DCT: variants seen among roughly 807,000 people sequenced by gnomAD.
DCT encodes the protein dopachrome tautomerase, also known as L-dopachrome tautomerase.
DCT carries 47 observed loss-of-function variants against 53.0 expected under a neutral mutation model. The observed-to-expected ratio is 0.89, with a 90% CI of 0.70 to 1.13. The LOEUF (loss-of-function observed/expected upper bound fraction) is 1.13. Ranked by LOEUF, DCT falls within the 50% of genes most tolerant of loss-of-function variation. The pLI, the probability that DCT is intolerant of heterozygous loss-of-function variation, is 0.00. For missense variants in DCT, 669 were observed against 637.4 expected (o/e 1.05, Z -0.53); for synonymous variants, 244 against 237.0 (o/e 1.03, Z -0.27).
chr13:94,524,823 T>C, the DCT span, among the ~76,000 whole-genome samples: 61,185 of 151,876 alleles, frequency 0.4, 13,051 homozygotes, highest in East Asian at 0.62. Context: ...TTGTTACGAA[T>C]GTAACTAGTT....
At chr13:94,500,704 C>T in the DCT span, among the ~76,000 whole-genome samples, 1 of 152,142 alleles carries the variant, frequency 6.6e-6, no homozygotes, top group Non-Finnish European at 1.5e-5. Flanking sequence ...TGAATAATAT[C>T]CCATTGTGTA....
At chr13:94,539,523 A>G in the DCT span, among the ~76,000 whole-genome samples, 1 of 152,230 alleles carries the variant, frequency 6.6e-6, no homozygotes, top group African/African-American at 2.4e-5. Context: ...AAACCTGCGC[A>G]ACAAATCAGC....
chr13:94,506,493 C>A, the DCT span, among the ~76,000 whole-genome samples: 1 of 151,872 alleles, frequency 6.6e-6, no homozygotes, highest in Non-Finnish European at 1.5e-5. Flanking sequence ...TAGATTATAA[C>A]CCATAGAATA....
chr13:94,487,796 T>C, the DCT span, among the ~76,000 whole-genome samples: 1 of 152,130 alleles, frequency 6.6e-6, no homozygotes, highest in Non-Finnish European at 1.5e-5. Flanking sequence ...AAGAGATTAT[T>C]TTTTTCCCTG....
At chr13:94,457,832 AT>A (rs1435735392) in intron 6 of DCT, among the ~76,000 whole-genome samples, 1 of 152,138 alleles carries the variant, frequency 6.6e-6, no homozygotes, top group Non-Finnish European at 1.5e-5. Context: ...ATGAATGTGT[AT>A]GTTGTCTAAA....
intron 2 of DCT, 92 bp downstream of exon 2, chr13:94,468,654 A>T: frequency 8.8e-7 from 1 of 1,142,592 alleles, no homozygotes; most frequent in Non-Finnish European, 1.3e-6. Context: ...TTGCTCTCTT[A>T]ATTAACTTGC....
At chr13:94,461,617 TC>T (rs1389256999) in intron 5 of DCT, among the ~76,000 whole-genome samples, 3 of 152,216 alleles carry the variant, frequency 2.0e-5, no homozygotes, top group African/African-American at 7.2e-5. Context: ...ATCTCAGACC[TC>T]ACTATTAAGT....
the DCT span, among the ~76,000 whole-genome samples, chr13:94,499,179 T>C: frequency 6.6e-6 from 1 of 152,000 alleles, no homozygotes; most frequent in Admixed American, 6.6e-5. Context: ...GCTGCAGAGG[T>C]CTGCAGCTTC....
chr13:94,460,029 GA>G (rs1445458222), intron 6 of DCT, 61 bp downstream of exon 6: 1 of 1,512,006 alleles, frequency 6.6e-7, no homozygotes, highest in Non-Finnish European at 9.1e-7. Context: ...TTAATTGTAT[GA>G]AAAAATAAAT....
At chr13:94,512,431 AT>A in the DCT span, among the ~76,000 whole-genome samples, 33 of 152,332 alleles carry the variant, frequency 2.2e-4, no homozygotes, top group Non-Finnish European at 4.1e-4. Context: ...AAAGAAAGAC[AT>A]TCAAATAACT....
the DCT span, among the ~76,000 whole-genome samples, chr13:94,505,486 A>G: frequency 6.6e-6 from 1 of 152,218 alleles, no homozygotes; most frequent in Non-Finnish European, 1.5e-5. Context: ...CGTTTGTAGA[A>G]GCTACATTTT....
chr13:94,443,401 G>A (rs1180319816), intron 7 of DCT, 35 bp downstream of exon 7: 2 of 1,480,138 alleles, frequency 1.4e-6, no homozygotes, highest in Admixed American at 3.3e-5. Flanking sequence ...TTTAGAAGAT[G>A]AATGAATCAC....
At chr13:94,518,114 G>A in the DCT span, among the ~76,000 whole-genome samples, 35,404 of 104,578 alleles carry the variant, frequency 0.34, 5,015 homozygotes, top group East Asian at 0.54. Flanking sequence ...CGAAGGGAAG[G>A]AAGGAAGGAA....
intron 5 of DCT, among the ~76,000 whole-genome samples, chr13:94,461,370 C>T (rs1268278460): frequency 6.6e-6 from 1 of 152,128 alleles, no homozygotes; most frequent in African/African-American, 2.4e-5. Context: ...CCACACCTGG[C>T]TACTTTTTTA....
chr13:94,522,850 C>A, the DCT span, among the ~76,000 whole-genome samples: 1 of 152,202 alleles, frequency 6.6e-6, no homozygotes, highest in South Asian at 2.1e-4. Context: ...CGCCAGAACT[C>A]AAACTCAGGC....
the DCT span, among the ~76,000 whole-genome samples, chr13:94,494,325 T>C: frequency 6.6e-6 from 1 of 152,196 alleles, no homozygotes; most frequent in Non-Finnish European, 1.5e-5. Context: ...TTCCCCAATC[T>C]GCATCCTTTC....
the DCT span, among the ~76,000 whole-genome samples, chr13:94,511,990 A>G: frequency 7.2e-3 from 1,094 of 152,116 alleles, 16 homozygotes; most frequent in African/African-American, 0.023. Flanking sequence ...CCACCTCCTG[A>G]GTAGCTGGGA....
At chr13:94,518,149 GGAAGGAAT>G in the DCT span, among the ~76,000 whole-genome samples, 486 of 137,874 alleles carry the variant, frequency 3.5e-3, 9 homozygotes, top group African/African-American at 0.013. Flanking sequence ...AAGGAAGGAA[GGAAGGAAT>G]GAAGGAAGGA....
intron 4 of DCT, among the ~76,000 whole-genome samples, chr13:94,462,499 C>G (rs1286593174): frequency 7.0e-6 from 1 of 143,030 alleles, no homozygotes; most frequent in Non-Finnish European, 1.5e-5. Context: ...GACCCTGTCT[C>G]AAGAAAAAAA....
Sources: allele counts gnomAD v4.1 joint callset (sites outside exome capture counted in the v4.1 genomes callset), GRCh38; gene constraint gnomAD v4.1.1; transcripts MANE v1.5; gene names NCBI Gene and HGNC (gene_info 2026-07-23, HGNC 2026-07-21).